SLC9A7: variants seen among roughly 807,000 people sequenced by gnomAD.
The protein encoded by SLC9A7 is sodium/hydrogen exchanger 7.
A neutral mutation model predicts 52.6 loss-of-function variants in SLC9A7; 19 were observed. That is an observed-to-expected ratio of 0.36 (90% CI 0.25 to 0.53). SLC9A7 has a LOEUF of 0.53. Among genes scored for constraint, SLC9A7 ranks in the 20% least tolerant of loss-of-function variants. The pLI is 0.91. For synonymous variants in SLC9A7, 226 were observed against 252.1 expected (o/e 0.90, Z 0.98); for missense variants, 455 against 597.9 (o/e 0.76, Z 2.49).
intron 1 of SLC9A7, among the ~76,000 whole-genome samples, chrX:46,703,099 T>C (rs796852160): frequency 8.9e-6 from 1 of 112,406 alleles, no homozygotes; most frequent in African/African-American, 3.2e-5. Flanking sequence ...GTCTGTTCCA[T>C]TGTCCATTTT....
chrX:46,689,789 G>A (rs1049834271), intron 1 of SLC9A7, among the ~76,000 whole-genome samples: 2 of 108,864 alleles, frequency 1.8e-5, no homozygotes, highest in Non-Finnish European at 3.8e-5. Context: ...CCCCCTGACA[G>A]GCCCTGGTGT....
intron 5 of SLC9A7, among the ~76,000 whole-genome samples, chrX:46,664,638 A>C (rs2146823340): frequency 8.9e-6 from 1 of 111,981 alleles, no homozygotes; most frequent in African/African-American, 3.2e-5. Context: ...CCGCTAAACT[A>C]AATTTTATAG....
intron 11 of SLC9A7, 81 bp downstream of exon 11, chrX:46,648,605 G>C: frequency 2.7e-6 from 2 of 742,360 alleles, no homozygotes; most frequent in Non-Finnish European, 4.1e-6. Flanking sequence ...GTCTTTTTAT[G>C]AACCTTATCA....
At chrX:46,662,728 T>C in intron 5 of SLC9A7, 85 bp from the exon 6 acceptor site, 2 of 663,223 alleles carry the variant, frequency 3.0e-6, no homozygotes, top group East Asian at 3.5e-5. Flanking sequence ...GCAATTCCTA[T>C]CTTGGGTGGG....
intron 2 of SLC9A7, among the ~76,000 whole-genome samples, chrX:46,681,295 C>T (rs1944206556): frequency 8.9e-6 from 1 of 112,014 alleles, no homozygotes; most frequent in African/African-American, 3.2e-5. Context: ...ATATGAAGGG[C>T]TCAAGCTGCC....
intron 1 of SLC9A7, among the ~76,000 whole-genome samples, chrX:46,720,331 C>T (rs1472894618): frequency 1.8e-5 from 2 of 110,922 alleles, no homozygotes. Context: ...TCCTTTCCCA[C>T]TCCTGCCAAC....
At chrX:46,739,229 C>T (rs763121607) in intron 1 of SLC9A7, among the ~76,000 whole-genome samples, 10 of 111,585 alleles carry the variant, frequency 9.0e-5, no homozygotes, top group Non-Finnish European at 1.9e-4. Flanking sequence ...ACCTGATTTC[C>T]TTTCCCCCTG....
intron 15 of SLC9A7, among the ~76,000 whole-genome samples, chrX:46,617,923 A>T (rs2146690847): frequency 8.9e-6 from 1 of 112,016 alleles, no homozygotes; most frequent in African/African-American, 3.2e-5. Flanking sequence ...GTTCTACTTC[A>T]GTTAGTAGCA....
At chrX:46,650,508 C>T (rs929981828) in intron 10 of SLC9A7, among the ~76,000 whole-genome samples, 3 of 107,619 alleles carry the variant, frequency 2.8e-5, no homozygotes, top group African/African-American at 6.8e-5. Flanking sequence ...TTGGTGGGGG[C>T]GGGGAGAAAG....
chrX:46,727,409 T>TA (rs1944962298), intron 1 of SLC9A7, among the ~76,000 whole-genome samples: 1 of 112,412 alleles, frequency 8.9e-6, no homozygotes, highest in East Asian at 2.8e-4. Flanking sequence ...GGGTCACAAT[T>TA]ACTCTGGTAC....
chrX:46,636,267 T>C (rs746850359), intron 12 of SLC9A7, among the ~76,000 whole-genome samples: 1 of 111,394 alleles, frequency 9.0e-6, no homozygotes, highest in Non-Finnish European at 1.9e-5. Context: ...CCTTAATAAT[T>C]TCTGGGTTAC....
At chrX:46,671,669 A>G (rs935573235) in intron 4 of SLC9A7, among the ~76,000 whole-genome samples, 1 of 111,437 alleles carries the variant, frequency 9.0e-6, no homozygotes, top group Non-Finnish European at 1.9e-5. Flanking sequence ...TTTTTTTCTC[A>G]TGGTTAGACT....
chrX:46,726,853 G>A lies in SLC9A7; in HGVS notation c.325+31852C>T, dbSNP rs771290288. ...CACGGATGATAGGCAAGATGTTTGC[G>A]GATTTTGCTGATGAAAAAAACAGCC... is the stretch of plus-strand genomic sequence containing the variant. On this transcript the variant is annotated intron_variant, in intron 1 of 16. Coordinates refer to ENST00000616978, the MANE Select transcript of SLC9A7 (RefSeq NM_001257291.2). Among the ~76,000 whole-genome samples the A allele has an allele frequency of 5.4e-5, 6 of 110,917 alleles. No individual in the cohort carries two copies. In the East Asian group the frequency reaches 1.4e-3, roughly 26 times the overall value.
At chrX:46,629,821 G>C (rs183947785) in intron 14 of SLC9A7, among the ~76,000 whole-genome samples, 1 of 111,766 alleles carries the variant, frequency 8.9e-6, no homozygotes, top group Non-Finnish European at 1.9e-5. Context: ...TTCTCAGGCT[G>C]AGTTTCAAGA....
In SLC9A7 at chrX:46,643,262, T is replaced by G; in HGVS notation, c.1590A>C (p.Thr530=). The G allele has an allele frequency of 8.3e-7, 1 of 1,209,616 alleles. No individual in the cohort carries two copies. Among genetic ancestry groups the G allele is most frequent in the Non-Finnish European group, 1.1e-6 (1 of 894,082 alleles). ...TGATGTTAAGCCATGACAACATGGG[T>G]GTCGTGCCTCCTCCAATGATCCAGA... ...FTVWIIGGGT[T]PMLSWLNIRV... The change falls in exon 12 of 17, where the codon ACA becomes ACC. Residue 530 remains threonine (T), a synonymous_variant. Coordinates refer to ENST00000616978, the MANE Select transcript of SLC9A7 (RefSeq NM_001257291.2).
In SLC9A7 at chrX:46,641,522, G is replaced by A. The variant is rs564711757; in HGVS notation, c.1616+1714C>T. Among the ~76,000 whole-genome samples the A allele has an allele frequency of 4.4e-4, 49 of 111,998 alleles. No individual in the cohort carries two copies. The South Asian group carries it at 0.017, about 40-fold the overall frequency. ...GCAAAGATTCTCAACTGTGTAGAGG[G>A]TAAACCTTTTTTCTTGCCCTAATTC... On this transcript the variant is annotated intron_variant, in intron 12 of 16. Transcript: ENST00000616978.
chrX:46,684,291 G>A (rs1342087924), intron 1 of SLC9A7, among the ~76,000 whole-genome samples: 1 of 111,408 alleles, frequency 9.0e-6, no homozygotes, highest in South Asian at 3.8e-4. Context: ...TGCAACCTCC[G>A]CCTCCCAGGT....
At chrX:46,645,139 A>G (rs893535490) in intron 11 of SLC9A7, among the ~76,000 whole-genome samples, 1 of 112,478 alleles carries the variant, frequency 8.9e-6, no homozygotes, top group Non-Finnish European at 1.9e-5. Context: ...AGCATAAAAT[A>G]TTTTTTATTG....
chrX:46,618,571 T>C (rs138487861), intron 15 of SLC9A7, among the ~76,000 whole-genome samples: 1,393 of 112,068 alleles, frequency 0.012, 18 homozygotes, highest in African/African-American at 0.043. Flanking sequence ...AGGCAAAGAT[T>C]TCTGAAACAG....
Sources: gnomAD v4.1 joint callset for allele counts (sites outside exome capture counted in the v4.1 genomes callset) on GRCh38, gnomAD v4.1.1 for gene constraint, MANE v1.5 for transcripts, NCBI Gene and HGNC (gene_info 2026-07-23, HGNC 2026-07-21) for gene names.